Variants in MTERF4 observed in about 807,000 individuals in gnomAD.
The protein encoded by MTERF4 is mitochondrial transcription termination factor 4.
Under a neutral mutation model 22.5 loss-of-function variants are expected in MTERF4, and 17 were observed. That is an observed-to-expected ratio of 0.75 (90% CI 0.52 to 1.13). The LOEUF (loss-of-function observed/expected upper bound fraction) is 1.13, where lower values mean the gene tolerates loss of function less well. Ranked by LOEUF, MTERF4 falls within the 50% of genes most tolerant of loss-of-function variation. MTERF4 has a pLI of 0.00. For synonymous variants in MTERF4, 165 were observed against 175.3 expected (o/e 0.94, Z 0.47); for missense variants, 420 against 466.8 (o/e 0.90, Z 0.92).
the MTERF4 span, chr2:241,062,968 C>T: frequency 3.7e-6 from 4 of 1,071,828 alleles, no homozygotes; most frequent in Non-Finnish European, 5.3e-6. Context: ...GCCTGAGGCA[C>T]TGGGTCCCCC....
chr2:241,067,999 C>A, downstream of MTERF4: 1 of 1,498,736 alleles, frequency 6.7e-7, no homozygotes, highest in Non-Finnish European at 9.2e-7. Context: ...GGGGTGGGGG[C>A]TCGGGGACAC....
Position 241,095,891 on chromosome 2 carries a change from AT to A in MTERF4, c.*106del. ...TTTTCATCAAGAGACCAGTTTTAGAATAAAAAATAACTTGAGAAGATTCAAG... is the reference window on the plus strand; with the variant it reads ...TTTTCATCAAGAGACCAGTTTTAGAAAAAAAATAACTTGAGAAGATTCAAG... On this transcript the variant is annotated 3_prime_UTR_variant, in exon 4 of 4. Coordinates refer to ENST00000391980, the MANE Select transcript of MTERF4 (RefSeq NM_182501.4). The A allele has an allele frequency of 6.6e-7, 1 of 1,512,950 alleles. No individual in the cohort carries two copies. The highest frequency in any genetic ancestry group is 8.8e-7 in the Non-Finnish European group (1 of 1,135,056). The allele number at this position is 1,512,950 out of a possible 1,614,324, so 93.7% of individuals were successfully genotyped here.
chr2:241,100,281 A>G (rs966806242), intron 1 of MTERF4, among the ~76,000 whole-genome samples: 1 of 152,184 alleles, frequency 6.6e-6, no homozygotes, highest in South Asian at 2.1e-4. Context: ...CTTGTGGGAT[A>G]CAGAGTTGGC....
the MTERF4 span, chr2:241,063,508 G>C: frequency 1.1e-6 from 1 of 921,390 alleles, no homozygotes; most frequent in South Asian, 1.4e-5. Flanking sequence ...GAAGCCCCAG[G>C]AAATGCACGG....
the MTERF4 span, among the ~76,000 whole-genome samples, chr2:241,050,324 T>C: frequency 6.6e-6 from 1 of 152,212 alleles, no homozygotes; most frequent in Non-Finnish European, 1.5e-5. Context: ...AGAAGTGTCC[T>C]TCTGTAAGCA....
intron 1 of MTERF4, chr2:241,101,128 C>A (rs1461352768): frequency 1.1e-5 from 5 of 459,952 alleles, no homozygotes; most frequent in Admixed American, 2.4e-5. Context: ...GTTATTTTCA[C>A]GTTGTAATAT....
the MTERF4 span, among the ~76,000 whole-genome samples, chr2:241,056,580 A>ATTTTTTTTTTTTT: frequency 1.1e-3 from 124 of 111,212 alleles, 5 homozygotes; most frequent in South Asian, 1.9e-3. Flanking sequence ...AATAAGTGAA[A>ATTTTTTTTTTTTT]TTTTTTTTTT....
chr2:241,082,233 G>C (rs751819438), downstream of MTERF4: 1 of 1,499,330 alleles, frequency 6.7e-7, no homozygotes. Flanking sequence ...GGCAGGAGGA[G>C]CCGTCAGGAG....
rs962865864 is a variant in MTERF4, at chr2:241,076,739, A to G, written n.480-1057T>C. 1.1e-4 allele frequency among the ~76,000 whole-genome samples: 16 copies of G among 152,006 alleles called. No individual in the cohort carries two copies. In the South Asian group the frequency reaches 2.1e-3, roughly 20 times the overall value. On this transcript the variant is annotated intron_variant and non_coding_transcript_variant, in intron 4 of 4. Coordinates refer to the MTERF4 transcript ENST00000464344. ...AGGATAGGCATTTAGATCAGTGGAAAAGAACTGAGAGTCCAGGGCCGGGCG... is the reference window on the plus strand; with the variant it reads ...AGGATAGGCATTTAGATCAGTGGAAGAGAACTGAGAGTCCAGGGCCGGGCG...
chr2:241,058,588 AAATGT>A, the MTERF4 span, among the ~76,000 whole-genome samples: 1 of 152,206 alleles, frequency 6.6e-6, no homozygotes, highest in Non-Finnish European at 1.5e-5. Flanking sequence ...AACAATTAGA[AAATGT>A]AATTATAAAA....
Position 241,096,763 on chromosome 2 carries a change from T to C in MTERF4, c.706-325A>G. 3.7e-6 allele frequency: 2 copies of C among 538,494 alleles called. No individual in the cohort carries two copies. Among genetic ancestry groups the C allele is most frequent in the Non-Finnish European group, 6.9e-6 (2 of 288,698 alleles). 33.4% of individuals were successfully genotyped at this position (538,494 alleles called of 1,614,324 possible). A position where few individuals can be genotyped will look rare whatever the true frequency, so the allele number is the denominator to read the frequency against. On this transcript the variant is annotated intron_variant, in intron 3 of 3. Coordinates refer to ENST00000391980, the MANE Select transcript of MTERF4 (RefSeq NM_182501.4). This position sits in a 1 kb window ranked among gnomAD's most constrained non-coding sequence, Gnocchi z 5.1. ...GAATATGGAAAGAATAGGCAAAACA[T>C]TCAGAAAACATCTAGAAATTCGACC...
the MTERF4 span, chr2:241,064,723 TGTGCCC>T: frequency 3.0e-6 from 2 of 669,684 alleles, no homozygotes; most frequent in Admixed American, 6.9e-5. This position sits in a 1 kb window ranked among gnomAD's most constrained non-coding sequence, Gnocchi z 7.0. Context: ...GTAGCTGTCC[TGTGCCC>T]CCCGCCCCTC....
chr2:241,067,343 TC>T (rs1333188480), downstream of MTERF4, among the ~76,000 whole-genome samples: 1 of 152,182 alleles, frequency 6.6e-6, no homozygotes, highest in African/African-American at 2.4e-5. Context: ...TGTATGTCTG[TC>T]CTCCTAAGAC....
Position 241,096,690 on chromosome 2 carries a change from G to C in MTERF4, c.706-252C>G. On this transcript the variant is annotated intron_variant, in intron 3 of 3. Coordinates refer to ENST00000391980, the MANE Select transcript of MTERF4 (RefSeq NM_182501.4). The surrounding 1 kb of genome is among the most constrained non-coding windows in gnomAD (Gnocchi z 5.1). ...GGAAAAGGGGCAGGAGGGAGAAGGG[G>C]CAGAAGGAAGAGGTGGTATTTTTCT... The C allele has an allele frequency of 6.0e-6, 4 of 671,460 alleles. No homozygotes were observed. Among genetic ancestry groups the C allele is most frequent in the Non-Finnish European group, 1.1e-5 (4 of 356,928 alleles). The allele number at this position is 671,460 out of a possible 1,614,324, so 41.6% of individuals were successfully genotyped here. A position where few individuals can be genotyped will look rare whatever the true frequency, so the allele number is the denominator to read the frequency against.
chr2:241,092,218 C>A (rs933399205), downstream of MTERF4: 1 of 152,152 alleles, frequency 6.6e-6, no homozygotes, highest in Non-Finnish European at 1.5e-5. The surrounding 1 kb of genome is among the most constrained non-coding windows in gnomAD (Gnocchi z 4.6). Context: ...TGCAGGTCGA[C>A]GAGCCATCCT....
At chr2:241,068,474 C>T (rs1307253746), downstream of MTERF4, among the ~76,000 whole-genome samples, 2 of 152,062 alleles carry the variant, frequency 1.3e-5, no homozygotes, top group East Asian at 1.9e-4. This position sits in a 1 kb window ranked among gnomAD's most constrained non-coding sequence, Gnocchi z 5.3. Context: ...AGGAAAAGAT[C>T]GGAGAGCGAG....
chr2:241,101,924 G>A lies in MTERF4; in HGVS notation c.21+329C>T, dbSNP rs1401367371. The stretch of plus-strand genomic sequence containing the variant: ...AAAAATTAGCCAGGCATGGTGGCGG[G>A]CGCCTGTAATCCCAGCTACTTGGGA... On this transcript the variant is annotated intron_variant, in intron 1 of 3. Transcript: ENST00000391980. Among the ~76,000 whole-genome samples the A allele has an allele frequency of 2.6e-5, 4 of 152,098 alleles. No homozygotes were observed. The East Asian group carries it at 7.7e-4, about 29-fold the overall frequency.
chr2:241,089,932 T>C (rs1351909093), downstream of MTERF4: 33 of 1,537,898 alleles, frequency 2.1e-5, no homozygotes, highest in Non-Finnish European at 2.8e-5. Context: ...TATCTAAACG[T>C]AGAAAACCTA....
At chr2:241,087,341 G>A, downstream of MTERF4, 3 of 1,534,644 alleles carry the variant, frequency 2.0e-6, no homozygotes, top group Non-Finnish European at 2.6e-6. Flanking sequence ...TAAGCAGTTG[G>A]CAACATTTTG....
Sources: gnomAD v4.1 joint callset for allele counts (sites outside exome capture counted in the v4.1 genomes callset) on GRCh38, gnomAD v4.1.1 for gene constraint, Gnocchi (gnomAD v3.1) non-coding constraint, MANE v1.5 for transcripts, NCBI Gene and HGNC (gene_info 2026-07-23, HGNC 2026-07-21) for gene names.